The following CEMIP2 variants were observed in gnomAD, a reference collection of about 807,000 sequenced individuals.
CEMIP2 encodes the protein cell migration inducing hyaluronidase 2, also known as cell surface hyaluronidase CEMIP2.
In CEMIP2, 79 loss-of-function variants were observed where a neutral mutation model predicts 146.9. The observed-to-expected ratio is 0.54, with a 90% CI of 0.45 to 0.65. The LOEUF (loss-of-function observed/expected upper bound fraction) is 0.65. CEMIP2 is among the 30% of genes least tolerant of loss of function. CEMIP2 has a pLI of 0.00. For missense variants in CEMIP2, 1,596 were observed against 1,696.2 expected, an observed-to-expected ratio of 0.94 and a Z score of 1.04; for synonymous variants, 601 against 606.3, an observed-to-expected ratio of 0.99 and a Z score of 0.13.
intron 22 of CEMIP2, among the ~76,000 whole-genome samples, chr9:71,689,567 T>C (rs574630215): frequency 6.6e-6 from 1 of 152,220 alleles, no homozygotes; most frequent in African/African-American, 2.4e-5. Flanking sequence ...ATTTACTCTT[T>C]TCCAGTCATT....
intron 13 of CEMIP2, among the ~76,000 whole-genome samples, chr9:71,716,996 A>G (rs1361190309): frequency 6.6e-6 from 1 of 152,150 alleles, no homozygotes; most frequent in Non-Finnish European, 1.5e-5. Context: ...ACACAGGGAC[A>G]CTCTGTCTCC....
At chr9:71,700,152 A>G (rs1442328232) in intron 19 of CEMIP2, among the ~76,000 whole-genome samples, 1 of 152,228 alleles carries the variant, frequency 6.6e-6, no homozygotes, top group Non-Finnish European at 1.5e-5. Context: ...ACAGGACCCC[A>G]GAAGAACAGG....
In CEMIP2 at chr9:71,756,214, G is replaced by A. The variant is rs1051352690; in HGVS notation, c.-12-5829C>T. ...TGCTAGATAGATAGATAGATAGATAGGCTATATATATATGTATATAGGTGT... is the reference window on the plus strand; with the variant it reads ...TGCTAGATAGATAGATAGATAGATAAGCTATATATATATGTATATAGGTGT... On this transcript the variant is annotated intron_variant, in intron 1 of 23. Transcript: ENST00000377044. Among the ~76,000 whole-genome samples the A allele has an allele frequency of 2.8e-5, 4 of 141,988 alleles. 1 individual carries two copies. The highest frequency in any genetic ancestry group is 1.0e-4 in the African/African-American group (4 of 38,560). The allele number at this position is 141,988 out of a possible 152,430, so 93.1% of individuals were successfully genotyped here. A position where few individuals can be genotyped will look rare whatever the true frequency, so the allele number is the denominator to read the frequency against.
intron 22 of CEMIP2, 177 bp from the exon 23 acceptor site, chr9:71,686,023 A>T (rs1380761587): frequency 1.7e-6 from 1 of 588,612 alleles, no homozygotes; most frequent in Non-Finnish European, 3.0e-6. Context: ...CCCCACCACC[A>T]TGGGCTTCAC....
In CEMIP2 at chr9:71,743,889, A is replaced by G. The variant is rs1381467788; in HGVS notation, c.1034+1129T>C. Among the ~76,000 whole-genome samples the G allele has an allele frequency of 2.6e-5, 4 of 152,328 alleles. No individual in the cohort carries two copies. The East Asian group carries it at 7.7e-4, about 29-fold the overall frequency. On this transcript the variant is annotated intron_variant, in intron 4 of 23. Coordinates refer to ENST00000377044, the MANE Select transcript of CEMIP2 (RefSeq NM_013390.3). The stretch of plus-strand genomic sequence containing the variant: ...CCCCATTCCAACAACCTACTATCAA[A>G]GGAAAAAATAGTAACTAGATCATTA...
chr9:71,764,072 C>CTTTTATTCTA (rs1310706520), intron 1 of CEMIP2, among the ~76,000 whole-genome samples: 1 of 152,124 alleles, frequency 6.6e-6, no homozygotes, highest in African/African-American at 2.4e-5. Context: ...TTCTAGTATG[C>CTTTTATTCTA]TTTTATTCTA....
intron 6 of CEMIP2, 120 bp downstream of exon 6, chr9:71,734,686 C>T (rs1375341140): frequency 1.2e-6 from 1 of 864,806 alleles, no homozygotes; most frequent in African/African-American, 1.7e-5. Flanking sequence ...ACTTTCAATA[C>T]TGATGATTGT....
intron 10 of CEMIP2, among the ~76,000 whole-genome samples, chr9:71,727,655 CT>C (rs1383031273): frequency 6.6e-6 from 1 of 152,148 alleles, no homozygotes; most frequent in Non-Finnish European, 1.5e-5. Flanking sequence ...CTTTTAAAAA[CT>C]TTAAATAGCC....
At chr9:71,688,619 C>T (rs1037162926) in intron 22 of CEMIP2, among the ~76,000 whole-genome samples, 3 of 151,934 alleles carry the variant, frequency 2.0e-5, no homozygotes, top group African/African-American at 7.3e-5. Flanking sequence ...AACTCCTGAC[C>T]TCAGGTGATC....
intron 12 of CEMIP2, among the ~76,000 whole-genome samples, chr9:71,720,752 A>G (rs1823210737): frequency 6.6e-6 from 1 of 152,252 alleles, no homozygotes; most frequent in African/African-American, 2.4e-5. Context: ...ATATGAGCAT[A>G]GTCTAAACAC....
At chr9:71,700,620 T>C (rs752844601) in intron 19 of CEMIP2, 22 bp downstream of exon 19, 5 of 1,553,762 alleles carry the variant, frequency 3.2e-6, no homozygotes, top group Non-Finnish European at 4.3e-6. Flanking sequence ...ATAATTCTCA[T>C]TCCCTGGTTT....
At chr9:71,753,045 T>C (rs1222045646) in intron 1 of CEMIP2, among the ~76,000 whole-genome samples, 1 of 151,720 alleles carries the variant, frequency 6.6e-6, no homozygotes, top group Non-Finnish European at 1.5e-5. Context: ...CAGACAAAAA[T>C]AATGGAGACA....
At chr9:71,709,743 C>T (rs1822853035) in intron 16 of CEMIP2, among the ~76,000 whole-genome samples, 1 of 152,172 alleles carries the variant, frequency 6.6e-6, no homozygotes, top group African/African-American at 2.4e-5. Context: ...TTCTTCTTTT[C>T]CCCACTTAAA....
intron 1 of CEMIP2, among the ~76,000 whole-genome samples, chr9:71,765,605 T>C (rs1824766729): frequency 6.6e-6 from 1 of 152,212 alleles, no homozygotes; most frequent in Non-Finnish European, 1.5e-5. Flanking sequence ...ATTTAACAAA[T>C]TTTATTTCTC....
intron 20 of CEMIP2, chr9:71,697,745 T>C (rs920228598): frequency 1.5e-5 from 7 of 468,282 alleles, no homozygotes; most frequent in Admixed American, 3.9e-5. Flanking sequence ...TTTTAAACTG[T>C]GGAAAATCTG....
chr9:71,717,213 A>C (rs1171342283), intron 13 of CEMIP2, among the ~76,000 whole-genome samples: 1 of 152,178 alleles, frequency 6.6e-6, no homozygotes, highest in African/African-American at 2.4e-5. Flanking sequence ...TGCCTGGCAA[A>C]CAGTAAGCAG....
intron 4 of CEMIP2, among the ~76,000 whole-genome samples, chr9:71,740,516 C>T (rs879848149): frequency 2.0e-5 from 3 of 152,200 alleles, no homozygotes; most frequent in Non-Finnish European, 2.9e-5. Context: ...CAATACACAT[C>T]CATATCACAC....
At chr9:71,755,346 T>TACACACACACACAAACAC (rs1824398946) in intron 1 of CEMIP2, among the ~76,000 whole-genome samples, 1 of 134,872 alleles carries the variant, frequency 7.4e-6, no homozygotes, top group South Asian at 2.5e-4. Flanking sequence ...ACCCTGTCTC[T>TACACACACACACAAACAC]ACACACACAC....
At chr9:71,698,418 C>T (rs953573780) in intron 19 of CEMIP2, among the ~76,000 whole-genome samples, 1 of 152,198 alleles carries the variant, frequency 6.6e-6, no homozygotes, top group Non-Finnish European at 1.5e-5. Context: ...ATGTCATACC[C>T]TGCTTCCATT....
Sources: allele counts gnomAD v4.1 joint callset (sites outside exome capture counted in the v4.1 genomes callset), GRCh38; gene constraint gnomAD v4.1.1; transcripts MANE v1.5; gene names NCBI Gene and HGNC (gene_info 2026-07-23, HGNC 2026-07-21).